TNFAIP8: variants seen among roughly 807,000 people sequenced by gnomAD.
The protein encoded by TNFAIP8 is TNF alpha induced protein 8.
A neutral mutation model predicts 13.3 loss-of-function variants in TNFAIP8; 7 were observed. That is an observed-to-expected ratio of 0.52 (90% CI 0.30 to 0.99). The LOEUF is 0.99. Among genes scored for constraint, TNFAIP8 ranks in the 50% least tolerant of loss-of-function variants. TNFAIP8 has a pLI of 0.07. For missense variants in TNFAIP8, 258 were observed against 236.9 expected (o/e 1.09, Z -0.58); for synonymous variants, 94 against 87.6 (o/e 1.07, Z -0.41).
At chr5:119,338,390 C>T (rs1750630499) in intron 1 of TNFAIP8, among the ~76,000 whole-genome samples, 1 of 152,196 alleles carries the variant, frequency 6.6e-6, no homozygotes, top group African/African-American at 2.4e-5. Flanking sequence ...CAGGTCCTAC[C>T]TTACAGACCC....
chr5:119,332,687 A>G (rs2112709179), intron 1 of TNFAIP8, among the ~76,000 whole-genome samples: 1 of 152,352 alleles, frequency 6.6e-6, no homozygotes, highest in African/African-American at 2.4e-5. Flanking sequence ...GGGATCACCA[A>G]AGAAAAGCCT....
chr5:119,316,274 C>G (rs894803786), intron 1 of TNFAIP8: 4 of 151,996 alleles, frequency 2.6e-5, no homozygotes, highest in African/African-American at 7.3e-5. Flanking sequence ...ATCCTCCCAC[C>G]TCAGTCTCCT....
chr5:119,287,940 T>C (rs1047849112), intron 1 of TNFAIP8, among the ~76,000 whole-genome samples: 3 of 152,200 alleles, frequency 2.0e-5, no homozygotes, highest in African/African-American at 7.2e-5. Flanking sequence ...CTTATCTCAG[T>C]TGGTCTAGAC....
At chr5:119,278,252 T>TA (rs1366466049) in intron 1 of TNFAIP8, among the ~76,000 whole-genome samples, 1 of 152,098 alleles carries the variant, frequency 6.6e-6, no homozygotes, top group Non-Finnish European at 1.5e-5. Context: ...CTTAGCATGT[T>TA]ACATTTTTAT....
intron 1 of TNFAIP8, among the ~76,000 whole-genome samples, chr5:119,379,943 A>G (rs1421183205): frequency 2.0e-5 from 3 of 152,188 alleles, no homozygotes; most frequent in African/African-American, 7.2e-5. Flanking sequence ...GGGAGCAGGC[A>G]GGCTCTAAGA....
intron 1 of TNFAIP8, among the ~76,000 whole-genome samples, 172 bp from the exon 2 acceptor site, chr5:119,392,644 A>T (rs1331674830): frequency 1.3e-5 from 2 of 152,140 alleles, no homozygotes; most frequent in African/African-American, 4.8e-5. Flanking sequence ...GAGCCACTCC[A>T]CCCAGCCAAA....
At chr5:119,357,366 G>A (rs1357811660) in intron 1 of TNFAIP8, among the ~76,000 whole-genome samples, 2 of 152,154 alleles carry the variant, frequency 1.3e-5, no homozygotes, top group South Asian at 2.1e-4. Context: ...GCTGATAGAT[G>A]CTTTTCTTTT....
chr5:119,356,193 A>T (rs3797343), intron 1 of TNFAIP8, 72 bp downstream of exon 1: 1 of 1,389,248 alleles, frequency 7.2e-7, no homozygotes. Flanking sequence ...GTGGTAGAAG[A>T]GGATGGGAGT....
At chr5:119,311,319 CGGCCTT>C (rs983420909) in intron 1 of TNFAIP8, among the ~76,000 whole-genome samples, 2 of 151,914 alleles carry the variant, frequency 1.3e-5, no homozygotes, top group African/African-American at 4.8e-5. Context: ...TTACTGTGCC[CGGCCTT>C]GGTGTTCATT....
intron 1 of TNFAIP8, among the ~76,000 whole-genome samples, chr5:119,282,683 C>T (rs1348056786): frequency 6.6e-6 from 1 of 152,220 alleles, no homozygotes; most frequent in Non-Finnish European, 1.5e-5. Context: ...CAGCCTAGGC[C>T]CCTGGCATGT....
chr5:119,286,211 A>G lies in TNFAIP8; in HGVS notation c.1+17304A>G, dbSNP rs536975258. 7.9e-5 allele frequency among the ~76,000 whole-genome samples: 12 copies of G among 152,274 alleles called. No homozygotes were observed. In the East Asian group the frequency reaches 9.6e-4, roughly 12 times the overall value. On this transcript the variant is annotated intron_variant, in intron 1 of 1. Coordinates refer to the TNFAIP8 transcript ENST00000274456. ...TGTCTGGAAACTCTTCAGGCTCCCA[A>G]TGTTGGGTAACTCCCTCACTGCACT...
intron 1 of TNFAIP8, among the ~76,000 whole-genome samples, chr5:119,300,605 C>T (rs1235862057): frequency 6.6e-6 from 1 of 152,006 alleles, no homozygotes; most frequent in African/African-American, 2.4e-5. Context: ...ATCTGTTTTC[C>T]AGTCTCATAA....
At chr5:119,391,301 G>C in intron 1 of TNFAIP8, 1 of 692,594 alleles carries the variant, frequency 1.4e-6, no homozygotes, top group Non-Finnish European at 2.6e-6. Flanking sequence ...TGACTCATTT[G>C]TATGTATCTG....
intron 1 of TNFAIP8, among the ~76,000 whole-genome samples, chr5:119,315,125 C>T (rs1468228351): frequency 6.6e-6 from 1 of 151,896 alleles, no homozygotes; most frequent in Non-Finnish European, 1.5e-5. Context: ...CTTTGTTGCC[C>T]AGGCTGGAGT....
At chr5:119,352,374 A>T (rs2112761475), upstream of TNFAIP8, among the ~76,000 whole-genome samples, 1 of 152,278 alleles carries the variant, frequency 6.6e-6, no homozygotes, top group Admixed American at 6.5e-5. Flanking sequence ...GAAGTTGAAG[A>T]AGGTCTCAAA....
chr5:119,317,405 G>A (rs1351563245), intron 1 of TNFAIP8, among the ~76,000 whole-genome samples: 9 of 151,958 alleles, frequency 5.9e-5, no homozygotes, highest in Non-Finnish European at 1.2e-4. Flanking sequence ...TAAGAAATCT[G>A]ATTCTATGTG....
chr5:119,269,025 G>C lies in TNFAIP8; in HGVS notation c.1+118G>C, dbSNP rs181559532. 5.7e-4 allele frequency: 340 copies of C among 599,158 alleles called. 2 individuals carry two copies. In the African/African-American group the frequency reaches 6.3e-3, roughly 11 times the overall value. The allele number at this position is 599,158 out of a possible 1,614,324, so 37.1% of individuals were successfully genotyped here. A position where few individuals can be genotyped will look rare whatever the true frequency, so the allele number is the denominator to read the frequency against. Reference sequence around the variant, plus strand: ...CTCAGAGAGTTTCTGAAGCGAGTGTGAGTGAGTGTGAGTGGGTGCGTTTGA... The same window carrying C: ...CTCAGAGAGTTTCTGAAGCGAGTGTCAGTGAGTGTGAGTGGGTGCGTTTGA... On this transcript the variant is annotated intron_variant, in intron 1 of 1. Coordinates refer to the TNFAIP8 transcript ENST00000274456.
At position 119,374,385 on chromosome 5, in the gene TNFAIP8, G is replaced by A. The variant is rs151300053; in HGVS notation, c.31+18264G>A. Among the ~76,000 whole-genome samples, 701 of 152,274 alleles carry A rather than the reference G, an allele frequency of 4.6e-3. 9 individuals carry two copies. The South Asian group carries it at 0.047, about 10-fold the overall frequency. ...AAATTTGAGATGCTCAACCTGTACC[G>A]ATAGTAAATAGAAAACAAGGCAAGT... On this transcript the variant is annotated intron_variant, in intron 1 of 1. Transcript: ENST00000504771.
At position 119,394,601 on chromosome 5, in the gene TNFAIP8, T is replaced by G. The variant is rs906413392; in HGVS notation, c.*1220T>G. On this transcript the variant is annotated 3_prime_UTR_variant, in exon 2 of 2. Transcript: ENST00000504771. ...CAGCAATAAACATTTCCATTGTCAC[T>G]GTGTCTATGATTTTTTTTTTTTTTT... The G allele has an allele frequency of 6.6e-6, 1 of 150,420 alleles. No homozygotes were observed. The highest frequency in any genetic ancestry group is 6.7e-5 in the Admixed American group (1 of 14,950). The allele number at this position is 150,420 out of a possible 1,614,324, so 9.3% of individuals were successfully genotyped here.
Sources: gnomAD v4.1 joint callset for allele counts (sites outside exome capture counted in the v4.1 genomes callset) on GRCh38, gnomAD v4.1.1 for gene constraint, MANE v1.5 for transcripts, NCBI Gene and HGNC (gene_info 2026-07-23, HGNC 2026-07-21) for gene names.